The following GYG1 variants were observed in gnomAD, a reference collection of about 807,000 sequenced individuals.
GYG1 encodes glycogenin-1.
A neutral mutation model predicts 41.9 loss-of-function variants in GYG1; 44 were observed. That is an observed-to-expected ratio of 1.05 (90% CI 0.83 to 1.35). GYG1 has a LOEUF of 1.35. Ranked by LOEUF, GYG1 falls within the 40% of genes most tolerant of loss-of-function variation. The pLI is 0.00. For missense variants in GYG1, 429 were observed against 418.9 expected, an observed-to-expected ratio of 1.02 and a Z score of -0.21; for synonymous variants, 141 against 158.1, an observed-to-expected ratio of 0.89 and a Z score of 0.81.
intron 4 of GYG1, chr3:149,001,014 T>C (rs1713063689): frequency 6.6e-6 from 1 of 152,210 alleles, no homozygotes; most frequent in Non-Finnish European, 1.5e-5. Flanking sequence ...TGTATTAAAG[T>C]GTAAAATTGA....
chr3:148,997,463 G>T lies in GYG1; in HGVS notation c.481+559G>T, dbSNP rs547823295. Among the ~76,000 whole-genome samples the T allele has an allele frequency of 3.3e-5, 5 of 152,256 alleles. No individual in the cohort carries two copies. The East Asian group carries it at 7.7e-4, about 24-fold the overall frequency. On this transcript the variant is annotated intron_variant, in intron 4 of 7. Transcript: ENST00000345003. ...TGCAGGGCCAAAAAGTAGAACATTG[G>T]CAAAGTCAGCATCCATTTTCTATAA... is the stretch of plus-strand genomic sequence containing the variant.
At chr3:149,019,051 AGAGT>A (rs1433153467) in intron 5 of GYG1, among the ~76,000 whole-genome samples, 26 of 146,088 alleles carry the variant, frequency 1.8e-4, no homozygotes, top group Middle Eastern at 3.5e-3. Flanking sequence ...CCTGAGTGAG[AGAGT>A]GAGACACTGT....
intron 5 of GYG1, among the ~76,000 whole-genome samples, chr3:149,011,449 A>G (rs1713718321): frequency 6.6e-6 from 1 of 152,078 alleles, no homozygotes; most frequent in Non-Finnish European, 1.5e-5. Context: ...TAGTATGACC[A>G]TTCCACTCAG....
intron 1 of GYG1, among the ~76,000 whole-genome samples, chr3:148,992,190 G>A (rs911834208): frequency 1.3e-5 from 2 of 152,282 alleles, no homozygotes; most frequent in African/African-American, 2.4e-5. Flanking sequence ...GGGAAGCCGG[G>A]AGTCGGACTA....
At chr3:148,994,040 AG>A in intron 1 of GYG1, 101 bp from the exon 2 acceptor site, 1 of 994,190 alleles carries the variant, frequency 1.0e-6, no homozygotes, top group Non-Finnish European at 1.6e-6. Context: ...TTGATGTTAG[AG>A]GAACTGGTTT....
At chr3:148,994,054 C>G in intron 1 of GYG1, 88 bp from the exon 2 acceptor site, 2 of 1,202,132 alleles carry the variant, frequency 1.7e-6, no homozygotes, top group Non-Finnish European at 2.5e-6. Flanking sequence ...ACTGGTTTTG[C>G]TGAATTACTG....
chr3:149,002,143 T>A (rs1220921794), intron 4 of GYG1, among the ~76,000 whole-genome samples: 2 of 152,202 alleles, frequency 1.3e-5, no homozygotes, highest in Non-Finnish European at 2.9e-5. Flanking sequence ...GTAGGTCCAT[T>A]CATTATTTCA....
chr3:149,010,763 C>G (rs953624843), intron 5 of GYG1, among the ~76,000 whole-genome samples: 7 of 152,178 alleles, frequency 4.6e-5, no homozygotes, highest in Non-Finnish European at 8.8e-5. Context: ...ATTTCTTGAA[C>G]AGGGGACTAG....
At chr3:148,997,054 T>TTGTGTGTGTGTG (rs10571382) in intron 4 of GYG1, 150 bp downstream of exon 4, 44 of 606,748 alleles carry the variant, frequency 7.3e-5, no homozygotes, top group African/African-American at 1.3e-4. Context: ...CTGGGAAATA[T>TTGTGTGTGTGTG]TGTGTGTGTG....
chr3:148,992,873 G>C (rs1299962405), intron 1 of GYG1: 2 of 151,962 alleles, frequency 1.3e-5, no homozygotes, highest in African/African-American at 2.4e-5. Flanking sequence ...TAAAATGTGT[G>C]AAGATGGCTC....
rs1020604878 is a variant in GYG1, at chr3:149,009,473, T to A, written c.608+71T>A. The A allele has an allele frequency of 4.5e-5, 63 of 1,395,042 alleles. No homozygotes were observed. In the African/African-American group the frequency reaches 7.8e-4, roughly 17 times the overall value. 86.4% of individuals were successfully genotyped at this position (1,395,042 alleles called of 1,614,324 possible). A position where few individuals can be genotyped will look rare whatever the true frequency, so the allele number is the denominator to read the frequency against. ...GAATTGGGGTGTACAATTTTGGGGCTGCTTCATTGTCATTCCGAGGGAAAT... is the reference window on the plus strand; with the variant it reads ...GAATTGGGGTGTACAATTTTGGGGCAGCTTCATTGTCATTCCGAGGGAAAT... On this transcript the variant is annotated intron_variant, in intron 5 of 7. Coordinates refer to ENST00000345003, the MANE Select transcript of GYG1 (RefSeq NM_004130.4).
Position 149,024,242 on chromosome 3 carries a change from T to C in GYG1, c.798T>C (p.Leu266=). The part of the protein sequence containing the change: ...NVLPLLQQFG[L]VKDTCSYVNV... Reference sequence around the variant, plus strand: ...TACCTCTGCTTCAACAATTTGGCCTTGTCAAAGACACCTGCTCATATGTAA... The same window carrying C: ...TACCTCTGCTTCAACAATTTGGCCTCGTCAAAGACACCTGCTCATATGTAA... The change falls in exon 6 of 8, where the codon CTT becomes CTC. Residue 266 remains leucine (L), a synonymous_variant. Transcript: ENST00000345003. The C allele has an allele frequency of 6.2e-7, 1 of 1,610,728 alleles. No individual in the cohort carries two copies. Among genetic ancestry groups the C allele is most frequent in the Non-Finnish European group, 8.5e-7 (1 of 1,176,832 alleles).
At chr3:148,999,485 T>G (rs968260171) in intron 4 of GYG1, among the ~76,000 whole-genome samples, 1 of 152,220 alleles carries the variant, frequency 6.6e-6, no homozygotes, top group Non-Finnish European at 1.5e-5. Flanking sequence ...GTGTTAAGCT[T>G]TACTTAGCAA....
intron 4 of GYG1, chr3:149,001,497 TAGA>T (rs1713093662): frequency 6.6e-6 from 1 of 152,190 alleles, no homozygotes; most frequent in Non-Finnish European, 1.5e-5. Flanking sequence ...CTGTGAGAAA[TAGA>T]GGAGGAGGAA....
rs191049255 is a variant in GYG1, at chr3:149,029,282, G to T, written c.*2349G>T. 6.6e-6 allele frequency among the ~76,000 whole-genome samples: 1 copy of T among 152,104 alleles called. No homozygotes were observed. The highest frequency in any genetic ancestry group is 2.4e-5 in the African/African-American group (1 of 41,416). ...GTTACTTAGTAAAATGTATAAAAAGGCAACAGTAATTCAAATTACAAGATT... is the reference window on the plus strand; with the variant it reads ...GTTACTTAGTAAAATGTATAAAAAGTCAACAGTAATTCAAATTACAAGATT... On this transcript the variant is annotated 3_prime_UTR_variant, in exon 8 of 8. Coordinates refer to ENST00000345003, the MANE Select transcript of GYG1 (RefSeq NM_004130.4).
At chr3:149,026,360 A>T (rs996433776) in intron 6 of GYG1, 92 bp from the exon 7 acceptor site, 12 of 846,648 alleles carry the variant, frequency 1.4e-5, no homozygotes, top group Non-Finnish European at 2.5e-5. Context: ...TTAAGTTCTC[A>T]ACCTTTCAGA....
chr3:148,992,934 C>G (rs1332473993), intron 1 of GYG1, among the ~76,000 whole-genome samples: 1 of 151,854 alleles, frequency 6.6e-6, no homozygotes, highest in African/African-American at 2.4e-5. Context: ...CCCACAACTT[C>G]CTCTCATGTC....
At chr3:149,006,118 T>C (rs914648691) in intron 4 of GYG1, among the ~76,000 whole-genome samples, 2 of 145,174 alleles carry the variant, frequency 1.4e-5, no homozygotes, top group South Asian at 4.4e-4. Flanking sequence ...AGTCTCACTC[T>C]GTCACCCTGC....
intron 5 of GYG1, among the ~76,000 whole-genome samples, chr3:149,020,908 A>T (rs896378947): frequency 6.6e-5 from 10 of 152,142 alleles, no homozygotes; most frequent in African/African-American, 2.4e-4. Flanking sequence ...TCTCATTCTT[A>T]TGTACTCTGT....
Sources: allele counts gnomAD v4.1 joint callset (sites outside exome capture counted in the v4.1 genomes callset), GRCh38; gene constraint gnomAD v4.1.1; transcripts MANE v1.5; gene names NCBI Gene and HGNC (gene_info 2026-07-23, HGNC 2026-07-21).